PDGFD: variants seen among roughly 807,000 people sequenced by gnomAD.
The protein encoded by PDGFD is platelet-derived growth factor D.
In PDGFD, 30 loss-of-function variants were observed where a neutral mutation model predicts 44.7. The observed-to-expected ratio is 0.67, with a 90% CI of 0.50 to 0.91. The LOEUF (loss-of-function observed/expected upper bound fraction) is 0.91, where lower values mean the gene tolerates loss of function less well. Among genes scored for constraint, PDGFD ranks in the 40% least tolerant of loss-of-function variants. The probability of loss-of-function intolerance (pLI) is 0.00; values close to 1 mark genes in which losing one functional copy is unlikely to be tolerated. For synonymous variants in PDGFD, 173 were observed against 168.4 expected (o/e 1.03, Z -0.21); for missense variants, 445 against 457.8 (o/e 0.97, Z 0.25).
chr11:104,111,680 G>T (rs1861560656), intron 1 of PDGFD, among the ~76,000 whole-genome samples: 1 of 152,132 alleles, frequency 6.6e-6, no homozygotes, highest in Non-Finnish European at 1.5e-5. Flanking sequence ...TAATGCTGAA[G>T]ATGACAAGGA....
intron 3 of PDGFD, among the ~76,000 whole-genome samples, chr11:103,979,998 T>C (rs1337374221): frequency 6.6e-6 from 1 of 152,122 alleles, no homozygotes; most frequent in East Asian, 1.9e-4. Flanking sequence ...AATGCTTTCT[T>C]AGTTAAGACT....
At chr11:104,096,581 C>T (rs567666040) in intron 1 of PDGFD, among the ~76,000 whole-genome samples, 2 of 152,264 alleles carry the variant, frequency 1.3e-5, no homozygotes, top group South Asian at 4.1e-4. Flanking sequence ...AGAAGATTTA[C>T]AGGTTCTTTC....
At chr11:104,101,064 C>T (rs891117971) in intron 1 of PDGFD, among the ~76,000 whole-genome samples, 2 of 152,116 alleles carry the variant, frequency 1.3e-5, no homozygotes, top group Non-Finnish European at 2.9e-5. Flanking sequence ...CCCTCTCGCA[C>T]CACTCCTATT....
intron 5 of PDGFD, among the ~76,000 whole-genome samples, chr11:103,928,191 C>T (rs983818044): frequency 2.2e-4 from 34 of 152,174 alleles, no homozygotes; most frequent in African/African-American, 8.0e-4. Flanking sequence ...TCTCCAAGTC[C>T]ATCCAATTAT....
intron 1 of PDGFD, among the ~76,000 whole-genome samples, chr11:104,140,354 A>G (rs1310270034): frequency 2.6e-5 from 4 of 152,148 alleles, no homozygotes; most frequent in African/African-American, 9.7e-5. Context: ...AGATTCACAC[A>G]TAAACATTCC....
At position 103,909,426 on chromosome 11, in the gene PDGFD, A is replaced by T. The variant is rs1421541029; in HGVS notation, c.*268T>A. ...ACATTTGATCTATATACACATAGAC[A>T]TGAATATATTTCTGTGTGTGTTTGT... On this transcript the variant is annotated 3_prime_UTR_variant, in exon 7 of 7. Coordinates refer to ENST00000393158, the MANE Select transcript of PDGFD (RefSeq NM_025208.5). The T allele has an allele frequency of 2.6e-6, 1 of 391,988 alleles. No individual in the cohort carries two copies. The highest frequency in any genetic ancestry group is 2.0e-5 in the African/African-American group (1 of 50,030). 24.3% of individuals were successfully genotyped at this position (391,988 alleles called of 1,614,324 possible). A position where few individuals can be genotyped will look rare whatever the true frequency, so the allele number is the denominator to read the frequency against.
chr11:103,965,843 C>G (rs1365240799), intron 3 of PDGFD, among the ~76,000 whole-genome samples: 1 of 152,146 alleles, frequency 6.6e-6, no homozygotes, highest in Non-Finnish European at 1.5e-5. Context: ...CTTCGACAGC[C>G]TCTTGATATC....
chr11:104,150,202 T>C (rs961474243), intron 1 of PDGFD, among the ~76,000 whole-genome samples: 4 of 152,124 alleles, frequency 2.6e-5, no homozygotes, highest in African/African-American at 7.2e-5. Flanking sequence ...TTTTAAAGAA[T>C]AATTTTATAA....
At chr11:103,993,329 G>A (rs1467470714) in intron 3 of PDGFD, among the ~76,000 whole-genome samples, 2 of 151,350 alleles carry the variant, frequency 1.3e-5, no homozygotes, top group Non-Finnish European at 2.9e-5. Context: ...CTCCTGCCTC[G>A]GCCTCCCAAA....
At chr11:104,029,912 G>C (rs369182239) in intron 1 of PDGFD, among the ~76,000 whole-genome samples, 16 of 152,022 alleles carry the variant, frequency 1.1e-4, no homozygotes, top group African/African-American at 3.9e-4. Flanking sequence ...ATTACAGGCC[G>C]AACATCCCTA....
At chr11:104,087,021 C>CTTTTTTTTTTTTTTTTTTTTTTTTT (rs528848924) in intron 1 of PDGFD, among the ~76,000 whole-genome samples, 1 of 103,206 alleles carries the variant, frequency 9.7e-6, no homozygotes, top group Non-Finnish European at 1.9e-5. Flanking sequence ...GGCTCTTAGT[C>CTTTTTTTTTTTTTTTTTTTTTTTTT]TTTTTTTTTT....
chr11:103,973,482 G>C (rs11226099), intron 3 of PDGFD, among the ~76,000 whole-genome samples: 29,214 of 151,942 alleles, frequency 0.19, 2,887 homozygotes, highest in Middle Eastern at 0.31. Context: ...AACTTAAGAG[G>C]TAATGCTTGG....
chr11:104,077,864 T>A (rs1035068585), intron 1 of PDGFD, among the ~76,000 whole-genome samples: 1 of 152,118 alleles, frequency 6.6e-6, no homozygotes, highest in South Asian at 2.1e-4. Flanking sequence ...TGTGTTGCTA[T>A]TTTTTTCACC....
At chr11:103,979,000 A>T (rs998544556) in intron 3 of PDGFD, among the ~76,000 whole-genome samples, 1 of 151,940 alleles carries the variant, frequency 6.6e-6, no homozygotes, top group African/African-American at 2.4e-5. Context: ...GAATCAGCTC[A>T]GGAGCTTTAT....
intron 6 of PDGFD, among the ~76,000 whole-genome samples, chr11:103,924,129 G>C (rs1424992878): frequency 6.6e-6 from 1 of 152,116 alleles, no homozygotes; most frequent in Non-Finnish European, 1.5e-5. Context: ...GGGGTCTATG[G>C]TTCACTCTGC....
chr11:104,141,667 A>C (rs1862087766), intron 1 of PDGFD, among the ~76,000 whole-genome samples: 2 of 152,108 alleles, frequency 1.3e-5, no homozygotes, highest in South Asian at 4.1e-4. Flanking sequence ...TGAGCCCTAA[A>C]TGCAATCTCA....
intron 4 of PDGFD, among the ~76,000 whole-genome samples, chr11:103,944,688 A>G (rs1224242715): frequency 1.3e-5 from 2 of 152,180 alleles, no homozygotes; most frequent in African/African-American, 4.8e-5. Flanking sequence ...CCAGACAGCC[A>G]AGCCCACAAT....
At chr11:104,123,264 T>G (rs1006722478) in intron 1 of PDGFD, among the ~76,000 whole-genome samples, 1 of 152,104 alleles carries the variant, frequency 6.6e-6, no homozygotes, top group African/African-American at 2.4e-5. Flanking sequence ...AGGTCTTTAT[T>G]ATTAGCCAGG....
intron 1 of PDGFD, among the ~76,000 whole-genome samples, chr11:104,107,011 C>G (rs923946444): frequency 6.6e-6 from 1 of 152,148 alleles, no homozygotes; most frequent in Non-Finnish European, 1.5e-5. Context: ...TCCCAAAGTG[C>G]TGGGATTAGA....
Sources: gnomAD v4.1 joint callset for allele counts (sites outside exome capture counted in the v4.1 genomes callset) on GRCh38, gnomAD v4.1.1 for gene constraint, MANE v1.5 for transcripts, NCBI Gene and HGNC (gene_info 2026-07-23, HGNC 2026-07-21) for gene names.